Variants in MRPS5 observed in about 807,000 individuals in gnomAD.
MRPS5 encodes the protein mitochondrial ribosomal protein S5, also known as small ribosomal subunit protein uS5m.
In MRPS5, 27 loss-of-function variants were observed where a neutral mutation model predicts 51.9. That is an observed-to-expected ratio of 0.52 (90% confidence interval 0.38 to 0.72). MRPS5 has a LOEUF of 0.72. MRPS5 is among the 30% of genes least tolerant of loss of function. The pLI is 0.00. For synonymous variants in MRPS5, 196 were observed against 193.2 expected, an observed-to-expected ratio of 1.01 and a Z score of -0.12; for missense variants, 570 against 545.7, an observed-to-expected ratio of 1.04 and a Z score of -0.44.
At chr2:95,089,156 T>A (rs1675385016) in intron 11 of MRPS5, among the ~76,000 whole-genome samples, 1 of 152,178 alleles carries the variant, frequency 6.6e-6, no homozygotes, top group South Asian at 2.1e-4. Flanking sequence ...ACATCTTAAT[T>A]AAACCTCTAA....
chr2:95,119,908 G>T (rs1311337246), intron 1 of MRPS5, among the ~76,000 whole-genome samples: 2 of 151,940 alleles, frequency 1.3e-5, no homozygotes, highest in Non-Finnish European at 2.9e-5. Context: ...AAAAAATAAA[G>T]AAAAACTAGC....
intron 1 of MRPS5, among the ~76,000 whole-genome samples, chr2:95,119,904 T>G (rs1676391552): frequency 6.6e-6 from 1 of 151,698 alleles, no homozygotes; most frequent in African/African-American, 2.4e-5. Context: ...CTACAAAAAA[T>G]AAAGAAAAAC....
chr2:95,111,685 AT>A (rs1676124425), intron 3 of MRPS5, among the ~76,000 whole-genome samples: 1 of 152,232 alleles, frequency 6.6e-6, no homozygotes, highest in Non-Finnish European at 1.5e-5. Flanking sequence ...GAATGCAAAA[AT>A]AATCATAATC....
intron 10 of MRPS5, among the ~76,000 whole-genome samples, chr2:95,098,887 C>G (rs1296620336): frequency 3.3e-5 from 5 of 149,798 alleles, no homozygotes; most frequent in Non-Finnish European, 1.5e-5. Flanking sequence ...CATATGGGGA[C>G]CTTGCCAGAG....
chr2:95,117,038 G>C (rs538218808), intron 2 of MRPS5, among the ~76,000 whole-genome samples: 49 of 152,208 alleles, frequency 3.2e-4, no homozygotes, highest in African/African-American at 1.2e-3. Flanking sequence ...CTACTCGAGA[G>C]GCTGAGGCAG....
chr2:95,098,229 T>C (rs1675685437), intron 10 of MRPS5, among the ~76,000 whole-genome samples: 1 of 152,220 alleles, frequency 6.6e-6, no homozygotes, highest in Non-Finnish European at 1.5e-5. Flanking sequence ...GGAAGGCTTT[T>C]ACACTGTTGG....
At position 95,087,481 on chromosome 2, in the gene MRPS5, G is replaced by C; in HGVS notation, c.1169C>G (p.Pro390Arg). ...TTCTGGCTCTGGATCCTTCCTCAAG[G>C]GCCCCCGGGGGGACGCAACCACAAT... is the stretch of plus-strand genomic sequence containing the variant. ...LPIVVASPRG[P>R]LRKDPEPEDE... Residue 390 changes from proline to arginine, a missense_variant, in exon 12 of 12, where the codon CCC (proline) becomes CGC (arginine). Transcript: ENST00000272418. 1 of 1,614,130 alleles carries C rather than the reference G, an allele frequency of 6.2e-7. No individual in the cohort carries two copies. The highest frequency in any genetic ancestry group is 8.5e-7 in the Non-Finnish European group (1 of 1,180,020).
rs997747081 is a variant in MRPS5, at chr2:95,087,399, C to T, written c.1251G>A (p.Met417Ile). 2 of 1,614,076 alleles carry T rather than the reference C, an allele frequency of 1.2e-6. No individual in the cohort carries two copies. The highest frequency in any genetic ancestry group is 1.7e-6 in the Non-Finnish European group (2 of 1,180,046). Residue 417 changes from methionine (M) to isoleucine (I), a missense_variant, in exon 12 of 12, where the codon ATG becomes ATA. Transcript: ENST00000272418. ...TCAAATTAGACCACACAGAGCGCTT[C>T]ATTCCCTGTGCAGTCTTCACATCTT... ...DWEDVKTAQGMKRSVWSNLKR... is the reference protein window; with the variant it reads ...DWEDVKTAQGIKRSVWSNLKR...
intron 5 of MRPS5, among the ~76,000 whole-genome samples, chr2:95,107,695 T>TA (rs1675991374): frequency 6.6e-6 from 1 of 152,218 alleles, no homozygotes; most frequent in Non-Finnish European, 1.5e-5. Context: ...CTGCTTTACA[T>TA]ACTCACGGAG....
intron 10 of MRPS5, among the ~76,000 whole-genome samples, chr2:95,096,986 CAA>C (rs1173579441): frequency 6.6e-6 from 1 of 152,178 alleles, no homozygotes. Flanking sequence ...GTAACTTCAG[CAA>C]AGTCTCAGGA....
intron 1 of MRPS5, among the ~76,000 whole-genome samples, chr2:95,119,413 C>A (rs1169613540): frequency 6.6e-6 from 1 of 151,942 alleles, no homozygotes; most frequent in East Asian, 1.9e-4. Flanking sequence ...AGTTCAAAAC[C>A]AGCCTGGTCA....
Position 95,087,419 on chromosome 2 carries a change from C to T in MRPS5, c.1231G>A (p.Val411Met), listed in dbSNP as rs374809240. The change falls in exon 12 of 12, where the codon GTG becomes ATG. Residue 411 changes from valine to methionine, a missense_variant. Physicochemically the swap from Val to Met is conservative, Grantham distance 21 (BLOSUM62 1). Coordinates refer to ENST00000272418, the MANE Select transcript of MRPS5 (RefSeq NM_031902.5). ...VPDVKLDWED[V>M]KTAQGMKRSV... ...CGCTTCATTCCCTGTGCAGTCTTCA[C>T]ATCTTCCCAGTCCAGTTTGACGTCT... The T allele has an allele frequency of 6.2e-7, 1 of 1,614,062 alleles. No homozygotes were observed. Among genetic ancestry groups the T allele is most frequent in the African/African-American group, 1.3e-5 (1 of 74,918 alleles).
chr2:95,121,295 A>G (rs1402447089), intron 1 of MRPS5, among the ~76,000 whole-genome samples: 1 of 152,206 alleles, frequency 6.6e-6, no homozygotes, highest in Non-Finnish European at 1.5e-5. Flanking sequence ...CAAACGGTGG[A>G]TTGTGGACTT....
At position 95,117,508 on chromosome 2, in the gene MRPS5, T is replaced by C. The variant is rs111945260; in HGVS notation, c.139+357A>G. On this transcript the variant is annotated intron_variant, in intron 2 of 11. Coordinates refer to ENST00000272418, the MANE Select transcript of MRPS5 (RefSeq NM_031902.5). ...ACTATGTTGGAGAAGACAGGGACAA[T>C]GAAGAGTTAAATTTTCAATTAACAT... Among the ~76,000 whole-genome samples, 703 of 149,432 alleles carry C rather than the reference T, an allele frequency of 4.7e-3. 9 individuals are homozygous for C. The highest frequency in any genetic ancestry group is 0.017 in the African/African-American group (680 of 40,764).
At chr2:95,121,895 T>C (rs1676468932), upstream of MRPS5, 26 of 1,293,462 alleles carry the variant, frequency 2.0e-5, no homozygotes, top group Non-Finnish European at 2.6e-5. Flanking sequence ...GCAGCGGAAT[T>C]CCTGAGGCCC....
chr2:95,106,026 ACAACTCTTAAGCTTT>A (rs1487703308), intron 6 of MRPS5, among the ~76,000 whole-genome samples: 4 of 152,202 alleles, frequency 2.6e-5, no homozygotes, highest in Non-Finnish European at 4.4e-5. Context: ...GACAGGCACC[ACAACTCTTAAGCTTT>A]CTACCCTGCC....
chr2:95,089,957 C>G (rs1159870572), intron 11 of MRPS5, among the ~76,000 whole-genome samples: 2 of 151,740 alleles, frequency 1.3e-5, no homozygotes, highest in Non-Finnish European at 2.9e-5. Flanking sequence ...GCGGGCGGAT[C>G]ACGAGGTCAG....
intron 1 of MRPS5, 124 bp downstream of exon 1, chr2:95,121,610 C>A (rs1170804623): frequency 5.6e-6 from 6 of 1,075,328 alleles, no homozygotes; most frequent in Non-Finnish European, 6.4e-6. Context: ...AAGGTGGGGG[C>A]ACGGCGTGAA....
chr2:95,114,955 T>C (rs1256756650), intron 3 of MRPS5, 111 bp downstream of exon 3: 10 of 997,356 alleles, frequency 1.0e-5, no homozygotes, highest in African/African-American at 3.3e-5. Context: ...TAACAGTACA[T>C]TGTAAACTAA....
Sources: allele counts gnomAD v4.1 joint callset (sites outside exome capture counted in the v4.1 genomes callset), GRCh38; gene constraint gnomAD v4.1.1; transcripts MANE v1.5; gene names NCBI Gene and HGNC (gene_info 2026-07-23, HGNC 2026-07-21).